CYP19A1: variants seen among roughly 807,000 people sequenced by gnomAD.
CYP19A1 encodes the protein aromatase.
CYP19A1 carries 32 observed loss-of-function variants against 44.4 expected under a neutral mutation model. The observed-to-expected ratio is 0.72, with a 90% CI of 0.54 to 0.97. The LOEUF is 0.97. Among genes scored for constraint, CYP19A1 ranks in the 50% least tolerant of loss-of-function variants. CYP19A1 has a pLI of 0.00. For missense variants in CYP19A1, 598 were observed against 637.8 expected, an observed-to-expected ratio of 0.94 and a Z score of 0.67; for synonymous variants, 212 against 215.6, an observed-to-expected ratio of 0.98 and a Z score of 0.14.
intron 1 of CYP19A1, among the ~76,000 whole-genome samples, chr15:51,331,037 A>G (rs2036692749): frequency 6.6e-6 from 1 of 152,132 alleles, no homozygotes. Context: ...TTTGGGAAGA[A>G]TAAGGTTGTT....
intron 3 of CYP19A1, among the ~76,000 whole-genome samples, chr15:51,234,006 G>A (rs1165098164): frequency 1.3e-5 from 2 of 152,116 alleles, no homozygotes; most frequent in South Asian, 2.1e-4. Context: ...ACTTTGGGAC[G>A]AAGCTGGTTG....
chr15:51,336,531 G>C (rs1292823882), intron 1 of CYP19A1, among the ~76,000 whole-genome samples: 2 of 152,142 alleles, frequency 1.3e-5, no homozygotes, highest in Non-Finnish European at 2.9e-5. Flanking sequence ...TGGTGGGGCA[G>C]TAAAACCATC....
intron 4 of CYP19A1, among the ~76,000 whole-genome samples, chr15:51,226,363 T>C (rs2032578728): frequency 6.6e-6 from 1 of 152,176 alleles, no homozygotes; most frequent in Non-Finnish European, 1.5e-5. Flanking sequence ...CTCATTGAGA[T>C]CCATGTCAGA....
At chr15:51,299,040 C>T (rs1417519647) in intron 1 of CYP19A1, among the ~76,000 whole-genome samples, 1 of 152,214 alleles carries the variant, frequency 6.6e-6, no homozygotes, top group East Asian at 1.9e-4. Context: ...CCGGCAAGGC[C>T]TTTTTCTGCC....
chr15:51,285,124 A>C (rs975565185), intron 1 of CYP19A1, among the ~76,000 whole-genome samples: 7 of 152,352 alleles, frequency 4.6e-5, no homozygotes, highest in Middle Eastern at 3.4e-3. Flanking sequence ...GGTTTTACCT[A>C]CAGATGCTTA....
chr15:51,259,243 A>AT (rs34859774), intron 1 of CYP19A1, among the ~76,000 whole-genome samples: 3 of 152,090 alleles, frequency 2.0e-5, no homozygotes, highest in Non-Finnish European at 4.4e-5. Flanking sequence ...AGCCCAAAAT[A>AT]TTTTTTTTCC....
intron 1 of CYP19A1, among the ~76,000 whole-genome samples, chr15:51,256,508 G>T (rs11856927): frequency 0.58 from 88,288 of 151,878 alleles, 25,981 homozygotes; most frequent in South Asian, 0.7. Context: ...TGGGGGTCCT[G>T]CACAAGTCAT....
At position 51,297,817 on chromosome 15, in the gene CYP19A1, GACACAC is replaced by G. The variant is rs1159870053; in HGVS notation, c.-39+40672_-39+40677del. On this transcript the variant is annotated intron_variant, in intron 1 of 9. Transcript: ENST00000396402. ...TTCTGGAGAGATTCACTGTAGGCAT[GACACAC>G]ACACACACACACACACACACACACA... Among the ~76,000 whole-genome samples, 684 of 111,784 alleles carry G rather than the reference GACACAC, an allele frequency of 6.1e-3. 2 individuals carry two copies. The highest frequency in any genetic ancestry group is 0.011 in the South Asian group (28 of 2,644). 73.3% of individuals were successfully genotyped at this position (111,784 alleles called of 152,430 possible). A position where few individuals can be genotyped will look rare whatever the true frequency, so the allele number is the denominator to read the frequency against.
At chr15:51,274,764 T>C (rs1285585269) in intron 1 of CYP19A1, among the ~76,000 whole-genome samples, 1 of 152,190 alleles carries the variant, frequency 6.6e-6, no homozygotes, top group Non-Finnish European at 1.5e-5. Context: ...CCTGTATACA[T>C]CATCTCCTGC....
chr15:51,281,606 AGGCAGGCAGTGAGG>A (rs1343518812), intron 1 of CYP19A1, among the ~76,000 whole-genome samples: 2 of 152,204 alleles, frequency 1.3e-5, no homozygotes, highest in Admixed American at 6.5e-5. Flanking sequence ...CAGCCTTGGG[AGGCAGGCAGTGAGG>A]GGCAGGAGAG....
At chr15:51,258,115 C>A (rs1281150592) in intron 1 of CYP19A1, among the ~76,000 whole-genome samples, 2 of 152,224 alleles carry the variant, frequency 1.3e-5, no homozygotes, top group Non-Finnish European at 2.9e-5. Flanking sequence ...GAACTAGGCT[C>A]TGTCCCTTTG....
intron 4 of CYP19A1, among the ~76,000 whole-genome samples, chr15:51,223,281 A>ATGAG (rs2032271630): frequency 6.6e-6 from 1 of 152,042 alleles, no homozygotes; most frequent in Non-Finnish European, 1.5e-5. Context: ...GAATGAATGA[A>ATGAG]TGAAAATAGA....
intron 1 of CYP19A1, chr15:51,278,116 T>C (rs371463565): frequency 1.3e-5 from 2 of 152,128 alleles, no homozygotes; most frequent in East Asian, 3.9e-4. Flanking sequence ...TCACTCTTCG[T>C]GTGCCATCTT....
chr15:51,254,003 T>G (rs1266248831), intron 1 of CYP19A1, among the ~76,000 whole-genome samples: 1 of 151,988 alleles, frequency 6.6e-6, no homozygotes, highest in African/African-American at 2.4e-5. Flanking sequence ...GAGGCTAGAT[T>G]TGTGTTAGGA....
chr15:51,240,579 GC>G (rs1387574095), intron 2 of CYP19A1, among the ~76,000 whole-genome samples: 1 of 152,120 alleles, frequency 6.6e-6, no homozygotes, highest in Non-Finnish European at 1.5e-5. Context: ...GTATTGATCA[GC>G]AAAAGCCACC....
chr15:51,226,054 A>G (rs1439727017), intron 4 of CYP19A1, among the ~76,000 whole-genome samples: 1 of 128,564 alleles, frequency 7.8e-6, no homozygotes, highest in Non-Finnish European at 1.6e-5. Flanking sequence ...GGGCCACTGC[A>G]CTCCAGCCTG....
At chr15:51,295,539 A>AT (rs1285965979) in intron 1 of CYP19A1, among the ~76,000 whole-genome samples, 2 of 152,238 alleles carry the variant, frequency 1.3e-5, no homozygotes, top group African/African-American at 4.8e-5. Flanking sequence ...AAAGCACACA[A>AT]CAGAGTACTT....
intron 1 of CYP19A1, among the ~76,000 whole-genome samples, chr15:51,286,224 A>G (rs921217194): frequency 1.2e-4 from 19 of 152,220 alleles, no homozygotes; most frequent in Admixed American, 1.1e-3. Context: ...TACCCCTGCC[A>G]CAGAAAACCT....
At chr15:51,331,922 T>C (rs2036707878) in intron 1 of CYP19A1, among the ~76,000 whole-genome samples, 7 of 148,828 alleles carry the variant, frequency 4.7e-5, no homozygotes, top group Admixed American at 4.7e-4. Context: ...TGTGTGTGTA[T>C]ATATATATAT....
Sources: allele counts gnomAD v4.1 joint callset (sites outside exome capture counted in the v4.1 genomes callset), GRCh38; gene constraint gnomAD v4.1.1; transcripts MANE v1.5; gene names NCBI Gene and HGNC (gene_info 2026-07-23, HGNC 2026-07-21).